The following ARHGEF1 variants were observed in gnomAD, a reference collection of about 807,000 sequenced individuals.
ARHGEF1 encodes the protein Rho guanine nucleotide exchange factor 1, also known as 115 kDa guanine nucleotide exchange factor.
ARHGEF1 carries 40 observed loss-of-function variants against 119.7 expected under a neutral mutation model. That is an observed-to-expected ratio of 0.33 (90% CI 0.26 to 0.44). The LOEUF (loss-of-function observed/expected upper bound fraction) is 0.44, where lower values mean the gene tolerates loss of function less well. ARHGEF1 is among the 20% of genes least tolerant of loss of function. The pLI, the probability that ARHGEF1 is intolerant of heterozygous loss-of-function variation, is 1.00. For missense variants in ARHGEF1, 976 were observed against 1,268.3 expected (o/e 0.77, Z 3.50); for synonymous variants, 494 against 521.0 (o/e 0.95, Z 0.71).
At chr19:41,924,405 G>C (rs1360743962) in intron 1 of ARHGEF1, among the ~76,000 whole-genome samples, 1 of 152,112 alleles carries the variant, frequency 6.6e-6, no homozygotes, top group East Asian at 1.9e-4. Flanking sequence ...GCAAGTACGT[G>C]CCTCATGAGG....
upstream of ARHGEF1, among the ~76,000 whole-genome samples, chr19:41,922,105 G>T (rs1293509920): frequency 6.6e-6 from 1 of 152,118 alleles, no homozygotes; most frequent in Non-Finnish European, 1.5e-5. Context: ...GGGGCAGAGA[G>T]CTGAAGCGGG....
At position 41,905,366 on chromosome 19, in the gene ARHGEF1, T is replaced by C; in HGVS notation, c.2336+105T>C. 1 of 979,876 alleles carries C rather than the reference T, an allele frequency of 1.0e-6. No homozygotes were observed. The highest frequency in any genetic ancestry group is 1.5e-6 in the Non-Finnish European group (1 of 655,928). The allele number at this position is 979,876 out of a possible 1,614,324, so 60.7% of individuals were successfully genotyped here. A position where few individuals can be genotyped will look rare whatever the true frequency, so the allele number is the denominator to read the frequency against. On this transcript the variant is annotated intron_variant, in intron 24 of 28. Transcript: ENST00000354532. The surrounding 1 kb of genome is among the most constrained non-coding windows in gnomAD (Gnocchi z 6.4). ...AACCGTCTCTGTGTGAGCATGCACA[T>C]GTGTGAATGCATGTGTGTGCATACA... is the stretch of plus-strand genomic sequence containing the variant.
downstream of ARHGEF1, chr19:41,909,792 G>GGTGCCC: frequency 6.9e-7 from 1 of 1,455,060 alleles, no homozygotes; most frequent in Non-Finnish European, 9.2e-7. This position sits in a 1 kb window ranked among gnomAD's most constrained non-coding sequence, Gnocchi z 5.2. Flanking sequence ...GCCCCAGGAT[G>GGTGCCC]CAGAGGGGGC....
rs782712883 is a variant in ARHGEF1, at chr19:41,906,012, G to A, written c.2478G>A (p.Thr826=). 8.7e-6 allele frequency: 14 copies of A among 1,613,816 alleles called. No homozygotes were observed. The highest frequency in any genetic ancestry group is 4.5e-5 in the East Asian group (2 of 44,886). The change falls in exon 26 of 29, where the codon ACG becomes ACA. Residue 826 remains threonine (T), a synonymous_variant. Coordinates refer to ENST00000354532, the MANE Select transcript of ARHGEF1 (RefSeq NM_004706.4). The surrounding 1 kb of genome is among the most constrained non-coding windows in gnomAD (Gnocchi z 4.5). ...GCCCCGAGGGCCAGCTCGCTGCCACGGCCCTTCGGAAAGGTAGCCCAGCTC... is the reference window on the plus strand; with the variant it reads ...GCCCCGAGGGCCAGCTCGCTGCCACAGCCCTTCGGAAAGGTAGCCCAGCTC... ...RPGPEGQLAA[T]ALRKVLSLKQ... is the part of the protein sequence containing the mutation.
intron 1 of ARHGEF1, among the ~76,000 whole-genome samples, chr19:41,924,297 G>A (rs1467935151): frequency 6.6e-6 from 1 of 152,042 alleles, no homozygotes; most frequent in Non-Finnish European, 1.5e-5. Flanking sequence ...AAGTCAGACA[G>A]CCTTGACTTG....
chr19:41,919,634 G>C (rs963353291), upstream of ARHGEF1, among the ~76,000 whole-genome samples: 1 of 152,024 alleles, frequency 6.6e-6, no homozygotes, highest in Non-Finnish European at 1.5e-5. Context: ...ACACACAGCT[G>C]GTCTGTGACA....
At chr19:41,918,586 CAT>C (rs1169256589), upstream of ARHGEF1, among the ~76,000 whole-genome samples, 1 of 149,518 alleles carries the variant, frequency 6.7e-6, no homozygotes, top group Non-Finnish European at 1.5e-5. Flanking sequence ...ACACACAGTA[CAT>C]ACACTACCCA....
upstream of ARHGEF1, among the ~76,000 whole-genome samples, chr19:41,918,743 CAT>C (rs782581876): frequency 1.8e-3 from 269 of 148,988 alleles, no homozygotes; most frequent in Non-Finnish European, 2.7e-3. Flanking sequence ...CCACCCCACA[CAT>C]ACACACACCA....
At chr19:41,890,925 A>C (rs1212333726) in intron 4 of ARHGEF1, 1 of 152,328 alleles carries the variant, frequency 6.6e-6, no homozygotes, top group Non-Finnish European at 1.5e-5. Context: ...TCCATCTCAA[A>C]AAAGAAAAAG....
chr19:41,901,299 G>A (rs897619104), intron 14 of ARHGEF1, among the ~76,000 whole-genome samples: 6 of 150,322 alleles, frequency 4.0e-5, no homozygotes, highest in Admixed American at 3.3e-4. Context: ...ACAAGAGTCC[G>A]CCCCCACACC....
upstream of ARHGEF1, among the ~76,000 whole-genome samples, chr19:41,920,556 G>GAC (rs1555852392): frequency 4.0e-5 from 6 of 151,776 alleles, no homozygotes; most frequent in African/African-American, 1.2e-4. Flanking sequence ...GACACGCCCA[G>GAC]ATGTTACGCA....
Position 41,902,084 on chromosome 19 carries a change from C to T in ARHGEF1, c.1414+51C>T. ...GTGTACCCCACTGCCCCACGGGCAG[C>T]TCTGCTCTAGCCCTGGGTTCAACCT... is the stretch of plus-strand genomic sequence containing the variant. On this transcript the variant is annotated intron_variant, in intron 15 of 28. Transcript: ENST00000354532. This position sits in a 1 kb window ranked among gnomAD's most constrained non-coding sequence, Gnocchi z 6.5. The T allele has an allele frequency of 6.2e-7, 1 of 1,605,600 alleles. No individual in the cohort carries two copies. The highest frequency in any genetic ancestry group is 2.2e-5 in the East Asian group (1 of 44,806).
In ARHGEF1 at chr19:41,917,613, G is replaced by A. The variant is rs187374017; in HGVS notation, c.1866-5479G>A. ...GGCCTAAGACCCTTCTGCCACCGCC[G>A]CCCCCGCATGCACACACCATGCCCC... On this transcript the variant is annotated intron_variant, in intron 18 of 20. Coordinates refer to the ARHGEF1 transcript ENST00000599589. The surrounding 1 kb of genome is among the most constrained non-coding windows in gnomAD (Gnocchi z 4.8). Among the ~76,000 whole-genome samples the A allele has an allele frequency of 1.1e-4, 16 of 151,500 alleles. No individual in the cohort carries two copies. Among genetic ancestry groups the A allele is most frequent in the African/African-American group, 2.7e-4 (11 of 41,194 alleles).
chr19:41,897,977 C>T (rs933453267), intron 13 of ARHGEF1: 1 of 1,324,778 alleles, frequency 7.5e-7, no homozygotes, highest in Non-Finnish European at 9.6e-7. Context: ...CTCAGAGAGC[C>T]TGCGGGTGAG....
At position 41,902,462 on chromosome 19, in the gene ARHGEF1, C is replaced by G. The variant is rs201485366; in HGVS notation, c.1498-71C>G. On this transcript the variant is annotated intron_variant, in intron 16 of 28. Transcript: ENST00000354532. This position sits in a 1 kb window ranked among gnomAD's most constrained non-coding sequence, Gnocchi z 6.5. The stretch of plus-strand genomic sequence containing the variant: ...CCAGTCCCAGGGTCTGGGCTTCCAG[C>G]CTGTCGTACTTTAGTCCCTGTTCTT... 18 of 1,611,234 alleles carry G rather than the reference C, an allele frequency of 1.1e-5. No individual in the cohort carries two copies. In the African/African-American group the frequency reaches 2.3e-4, roughly 20 times the overall value.
Position 41,905,100 on chromosome 19 carries a change from C to A in ARHGEF1, c.2249+64C>A, listed in dbSNP as rs537369814. The A allele has an allele frequency of 6.2e-7, 1 of 1,610,994 alleles. No homozygotes were observed. Among genetic ancestry groups the A allele is most frequent in the African/African-American group, 1.3e-5 (1 of 74,842 alleles). On this transcript the variant is annotated intron_variant, in intron 23 of 28. Coordinates refer to ENST00000354532, the MANE Select transcript of ARHGEF1 (RefSeq NM_004706.4). The surrounding 1 kb of genome is among the most constrained non-coding windows in gnomAD (Gnocchi z 6.4). ...GCCCAGGTTTCTGGGTTCCCAGGGACAGGAGGGCTGTGGGGAGGCCCTGGC... is the reference window on the plus strand; with the variant it reads ...GCCCAGGTTTCTGGGTTCCCAGGGAAAGGAGGGCTGTGGGGAGGCCCTGGC...
intron 8 of ARHGEF1, 86 bp from the exon 9 acceptor site, chr19:41,894,121 A>T (rs1221797409): frequency 5.2e-6 from 4 of 765,878 alleles, no homozygotes; most frequent in African/African-American, 3.4e-5. Context: ...GGAGAGAGAG[A>T]GAGTGTGTGT....
At chr19:41,927,252 A>G (rs1230920169) in intron 1 of ARHGEF1, among the ~76,000 whole-genome samples, 1 of 152,058 alleles carries the variant, frequency 6.6e-6, no homozygotes, top group Non-Finnish European at 1.5e-5. Flanking sequence ...GGAATGATAG[A>G]AAGGGTGTCC....
At chr19:41,896,888 C>CTCTCTCACCTCCCCTCTCT in intron 13 of ARHGEF1, 2 of 322,062 alleles carry the variant, frequency 6.2e-6, no homozygotes, top group South Asian at 2.1e-5. Context: ...CTCCCCGCTC[C>CTCTCTCACCTCCCCTCTCT]TCTCTCACCT....
Sources: gnomAD v4.1 joint callset for allele counts (sites outside exome capture counted in the v4.1 genomes callset) on GRCh38, gnomAD v4.1.1 for gene constraint, Gnocchi (gnomAD v3.1) non-coding constraint, MANE v1.5 for transcripts, NCBI Gene and HGNC (gene_info 2026-07-23, HGNC 2026-07-21) for gene names.